CFI: variants seen among roughly 807,000 people sequenced by gnomAD.
CFI encodes complement factor I, also known as C3B/C4B inactivator.
Under a neutral mutation model 78.8 loss-of-function variants are expected in CFI, and 66 were observed. The ratio of observed to expected loss-of-function variants is 0.84; its 90% CI spans 0.69 to 1.03. CFI has a LOEUF of 1.03. CFI is among the 50% of genes least tolerant of loss of function. The pLI is 0.00. For synonymous variants in CFI, 250 were observed against 232.6 expected, an observed-to-expected ratio of 1.07 and a Z score of -0.68; for missense variants, 706 against 704.5, an observed-to-expected ratio of 1.00 and a Z score of -0.02.
At chr4:109,783,694 A>T (rs1730351266) in intron 1 of CFI, among the ~76,000 whole-genome samples, 1 of 151,524 alleles carries the variant, frequency 6.6e-6, no homozygotes, top group Non-Finnish European at 1.5e-5. Flanking sequence ...AGAGGAAAAT[A>T]AGTTATTATT....
intron 1 of CFI, among the ~76,000 whole-genome samples, chr4:109,773,608 C>T (rs78122381): frequency 0.016 from 2,415 of 152,230 alleles, 82 homozygotes; most frequent in African/African-American, 0.055. Flanking sequence ...GGATGATACA[C>T]TCTTTATAAT....
Position 109,746,348 on chromosome 4 carries a change from T to C in CFI, c.1303A>G (p.Met435Val). Residue 435 changes from methionine to valine, a missense_variant, in exon 11 of 13, where the codon ATG becomes GTG. Transcript: ENST00000394634. ...TCTTTTTTGTTTCCGTCTTTTTTCA[T>C]TTCAATCAAAGCGATGTCATTTTGG... ...TYQNDIALIEMKKDGNKKDCE... is the reference protein window; with the variant it reads ...TYQNDIALIEVKKDGNKKDCE... 1 of 1,614,214 alleles carries C rather than the reference T, an allele frequency of 6.2e-7. No homozygotes were observed. The highest frequency in any genetic ancestry group is 8.5e-7 in the Non-Finnish European group (1 of 1,180,026).
chr4:109,797,531 T>G lies in CFI; in HGVS notation c.57+4384A>C, dbSNP rs552774806. Among the ~76,000 whole-genome samples, 8 of 151,550 alleles carry G rather than the reference T, an allele frequency of 5.3e-5. No homozygotes were observed. In the South Asian group the frequency reaches 1.2e-3, roughly 24 times the overall value. ...TTAGTCTTGGCAATAATATCTTGAC[T>G]ATGACGACAAAAGCACAGGCAACAA... is the stretch of plus-strand genomic sequence containing the variant. On this transcript the variant is annotated intron_variant, in intron 1 of 12. Transcript: ENST00000394634.
At chr4:109,756,955 AAGAAAGAAAGAAAGAAAG>A (rs1561297989) in intron 7 of CFI, among the ~76,000 whole-genome samples, 3 of 144,516 alleles carry the variant, frequency 2.1e-5, no homozygotes, top group Non-Finnish European at 4.6e-5. Context: ...GAAAGAAAGA[AAGAAAGAAAGAAAGAAAG>A]AAAGAAATTC....
At chr4:109,747,954 G>A (rs1724683279) in intron 10 of CFI, among the ~76,000 whole-genome samples, 1 of 152,138 alleles carries the variant, frequency 6.6e-6, no homozygotes, top group Non-Finnish European at 1.5e-5. Context: ...GACAGGAGGT[G>A]GAGCTCAGGT....
chr4:109,746,648 G>A (rs747004042), intron 10 of CFI, 146 bp from the exon 11 acceptor site: 4 of 685,356 alleles, frequency 5.8e-6, no homozygotes, highest in Non-Finnish European at 9.5e-6. Context: ...GAAGCAATGA[G>A]ATTAAATTTA....
chr4:109,766,871 C>A, intron 1 of CFI, 47 bp from the exon 2 acceptor site: 1 of 1,597,998 alleles, frequency 6.3e-7, no homozygotes, highest in Non-Finnish European at 8.6e-7. Context: ...ATTAAAGACT[C>A]CTGTTTGAAG....
chr4:109,785,397 GTTTGT>G (rs959340712), intron 1 of CFI, among the ~76,000 whole-genome samples: 6 of 151,636 alleles, frequency 4.0e-5, no homozygotes, highest in East Asian at 3.9e-4. Context: ...TGAAAATTTT[GTTTGT>G]TTTAAGATGC....
intron 1 of CFI, among the ~76,000 whole-genome samples, chr4:109,779,410 G>C (rs1438164360): frequency 6.6e-6 from 1 of 151,882 alleles, no homozygotes; most frequent in Admixed American, 6.6e-5. Context: ...AAAATACCTA[G>C]GAATCCAACT....
chr4:109,747,912 C>T (rs1204212605), intron 10 of CFI, among the ~76,000 whole-genome samples: 1 of 152,114 alleles, frequency 6.6e-6, no homozygotes, highest in African/African-American at 2.4e-5. Context: ...AGGGTTTGCA[C>T]TCCTATGAGA....
intron 1 of CFI, among the ~76,000 whole-genome samples, chr4:109,797,507 T>C (rs1046981454): frequency 2.6e-5 from 4 of 152,188 alleles, no homozygotes; most frequent in Admixed American, 2.6e-4. Context: ...TTCTTGACAT[T>C]AGTCTTGGCA....
intron 1 of CFI, among the ~76,000 whole-genome samples, chr4:109,772,530 C>A (rs1162677977): frequency 1.3e-5 from 2 of 151,362 alleles, no homozygotes; most frequent in Non-Finnish European, 2.9e-5. Flanking sequence ...AAAATAACAA[C>A]TACTATTATG....
downstream of CFI, among the ~76,000 whole-genome samples, chr4:109,740,519 G>T (rs146353496): frequency 1.3e-5 from 2 of 152,116 alleles, no homozygotes; most frequent in African/African-American, 2.4e-5. Flanking sequence ...CATTTTATAG[G>T]TGGAAAAGGA....
At position 109,761,331 on chromosome 4, in the gene CFI, T is replaced by C. The variant is rs4541508; in HGVS notation, c.658+186A>G. Among the ~76,000 whole-genome samples, 74,569 of 152,010 alleles carry C rather than the reference T, an allele frequency of 0.49. 21,559 individuals are homozygous for C. The highest frequency in any genetic ancestry group is 0.66 in the Non-Finnish European group (44,728 of 67,958). ...ATGTGAACCTGTAGAGAGGCAATGTTTGAATGGCAAAATGGTACAATAGGG... is the reference window on the plus strand; with the variant it reads ...ATGTGAACCTGTAGAGAGGCAATGTCTGAATGGCAAAATGGTACAATAGGG... On this transcript the variant is annotated intron_variant, in intron 4 of 12. Transcript: ENST00000394634.
intron 12 of CFI, chr4:109,742,077 C>G (rs977393826): frequency 6.0e-6 from 1 of 167,404 alleles, no homozygotes; most frequent in African/African-American, 2.4e-5. Flanking sequence ...TAGTTTTGAT[C>G]CTGGGTGTAC....
Position 109,740,783 on chromosome 4 carries a change from GA to G in CFI, c.*109del. On this transcript the variant is annotated 3_prime_UTR_variant, in exon 13 of 13. Transcript: ENST00000394634. Reference sequence around the variant, plus strand: ...GTGGAGACCTTTAAAAATATCCAGTGAGATTTGCTTCATTTTTCCCCCCTAG... The same window carrying G: ...GTGGAGACCTTTAAAAATATCCAGTGGATTTGCTTCATTTTTCCCCCCTAG... 9.9e-7 allele frequency: 1 copy of G among 1,005,432 alleles called. No individual in the cohort carries two copies. The highest frequency in any genetic ancestry group is 1.6e-5 in the African/African-American group (1 of 62,594). The allele number at this position is 1,005,432 out of a possible 1,614,324, so 62.3% of individuals were successfully genotyped here.
intron 1 of CFI, among the ~76,000 whole-genome samples, chr4:109,767,312 A>G (rs1727896764): frequency 6.6e-6 from 1 of 152,180 alleles, no homozygotes; most frequent in Non-Finnish European, 1.5e-5. Context: ...GCTTCTGCAC[A>G]GCAAAAGAAA....
At chr4:109,791,312 G>A (rs1416139874) in intron 1 of CFI, among the ~76,000 whole-genome samples, 4 of 151,266 alleles carry the variant, frequency 2.6e-5, no homozygotes, top group Non-Finnish European at 5.9e-5. Flanking sequence ...TTGTAAATTT[G>A]TTTAAGTTCC....
intron 11 of CFI, among the ~76,000 whole-genome samples, chr4:109,744,135 C>G (rs1450750603): frequency 6.6e-6 from 1 of 152,034 alleles, no homozygotes; most frequent in Non-Finnish European, 1.5e-5. Context: ...AAAATAACCA[C>G]CAAATGCAAT....
Sources: allele counts gnomAD v4.1 joint callset (sites outside exome capture counted in the v4.1 genomes callset), GRCh38; gene constraint gnomAD v4.1.1; transcripts MANE v1.5; gene names NCBI Gene and HGNC (gene_info 2026-07-23, HGNC 2026-07-21).